OBSL1: variants seen among roughly 807,000 people sequenced by gnomAD.
The protein encoded by OBSL1 is obscurin-like protein 1.
OBSL1 carries 160 observed loss-of-function variants against 172.0 expected under a neutral mutation model. The ratio of observed to expected loss-of-function variants is 0.93; its 90% CI spans 0.82 to 1.06. The LOEUF (loss-of-function observed/expected upper bound fraction) is 1.06. Among genes scored for constraint, OBSL1 ranks in the 50% least tolerant of loss-of-function variants. OBSL1 has a pLI of 0.00. For missense variants in OBSL1, 2,681 were observed against 2,715.4 expected (o/e 0.99, Z 0.28); for synonymous variants, 1,200 against 1,196.3 (o/e 1.00, Z -0.06).
intron 6 of OBSL1, 73 bp downstream of exon 6, chr2:219,565,169 A>ACC: frequency 1.4e-6 from 2 of 1,479,258 alleles, no homozygotes; most frequent in Admixed American, 4.1e-5. Context: ...TAGGCAGCAG[A>ACC]CCAGAGGGCA....
At position 219,556,145 on chromosome 2, in the gene OBSL1, C is replaced by T. The variant is rs374911539; in HGVS notation, c.4484G>A (p.Arg1495His). The T allele has an allele frequency of 2.5e-4, 400 of 1,613,726 alleles. No individual in the cohort carries two copies. The highest frequency in any genetic ancestry group is 5.5e-4 in the Admixed American group (33 of 59,990). ...RGGQPLPHDS[R>H]LSMAQDGHIH... ...GTGCCCATCCTGGGCCATGGACAGG[C>T]GAGAGTCGTGGGGCAGGGGCTGCCC... The change falls in exon 14 of 21, where the codon CGC becomes CAC. Residue 1495 changes from arginine (R) to histidine (H), a missense_variant. Coordinates refer to ENST00000404537, the MANE Select transcript of OBSL1 (RefSeq NM_015311.3).
chr2:219,556,863 A>G, intron 12 of OBSL1, 140 bp from the exon 13 acceptor site: 1 of 935,878 alleles, frequency 1.1e-6, no homozygotes, highest in South Asian at 1.9e-5. Context: ...GACCACACCG[A>G]TGGCCCAAAG....
chr2:219,566,945 C>G lies in OBSL1; in HGVS notation c.2019G>C (p.Glu673Asp), dbSNP rs746233331. The G allele has an allele frequency of 3.1e-6, 5 of 1,613,724 alleles. No homozygotes were observed. The highest frequency in any genetic ancestry group is 4.2e-6 in the Non-Finnish European group (5 of 1,179,892). Residue 673 changes from glutamate (E) to aspartate (D), a missense_variant, in exon 5 of 21, where the codon GAG becomes GAC. Physicochemically the swap from Glu to Asp is conservative, Grantham distance 45. Around this residue, in one of 5 missense-constraint regions of OBSL1, gnomAD observed 1,765 missense variants for 1,748.3 expected, o/e 1.01. Transcript: ENST00000404537. ...TGAGTCTGTGCTGCAGACCCTTCTG[C>G]TCTATACGGTACCGCAGGGCCCCAG... Reference protein sequence around the residue: ...VEPGALRYRIEQKGLQHRLIL... With the variant: ...VEPGALRYRIDQKGLQHRLIL...
chr2:219,548,936 CA>C (rs56198734), downstream of OBSL1: 147,901 of 578,120 alleles, frequency 0.26, 21,168 homozygotes, highest in East Asian at 0.42. Context: ...GGAAGCCTAG[CA>C]ACCTTCCATA....
downstream of OBSL1, chr2:219,548,969 CA>C (rs934411241): frequency 4.1e-5 from 26 of 634,336 alleles, no homozygotes; most frequent in Non-Finnish European, 6.3e-5. Context: ...AAGAAAAGAA[CA>C]ACAGCGGGAA....
At position 219,570,192 on chromosome 2, in the gene OBSL1, C is replaced by T. The variant is rs1384902793; in HGVS notation, c.1012+29G>A. ...GAGGGCCTCGGAGGACACTCGAGGC[C>T]CCTCCCTAGGTCCCGGGCTCCGCCG... On this transcript the variant is annotated intron_variant, in intron 1 of 20. Coordinates refer to ENST00000404537, the MANE Select transcript of OBSL1 (RefSeq NM_015311.3). 3 of 1,499,408 alleles carry T rather than the reference C, an allele frequency of 2.0e-6. No homozygotes were observed. The South Asian group carries it at 4.1e-5, about 20-fold the overall frequency. The allele number at this position is 1,499,408 out of a possible 1,614,324, so 92.9% of individuals were successfully genotyped here.
intron 1 of OBSL1, among the ~76,000 whole-genome samples, chr2:219,569,839 C>T (rs1242723006): frequency 6.6e-6 from 1 of 152,142 alleles, no homozygotes; most frequent in Non-Finnish European, 1.5e-5. Context: ...ATAAACTACT[C>T]CTTTATCTGT....
chr2:219,551,397 C>T lies in OBSL1; in HGVS notation c.5683+132G>A, dbSNP rs1695601583. 3 of 1,361,538 alleles carry T rather than the reference C, an allele frequency of 2.2e-6. No homozygotes were observed. In the Admixed American group the frequency reaches 8.0e-5, roughly 36 times the overall value. The allele number at this position is 1,361,538 out of a possible 1,614,324, so 84.3% of individuals were successfully genotyped here. A position where few individuals can be genotyped will look rare whatever the true frequency, so the allele number is the denominator to read the frequency against. ...GGTGTGCTCTACCCCTCCCCTCCCCCATCCCCACCTCCTACGTATCCCAGG... is the reference window on the plus strand; with the variant it reads ...GGTGTGCTCTACCCCTCCCCTCCCCTATCCCCACCTCCTACGTATCCCAGG... On this transcript the variant is annotated intron_variant, in intron 20 of 20. Coordinates refer to ENST00000404537, the MANE Select transcript of OBSL1 (RefSeq NM_015311.3).
In OBSL1 at chr2:219,551,258, T is replaced by C. The variant is rs1695590275; in HGVS notation, c.5683+271A>G. Reference sequence around the variant, plus strand: ...CAGGGCTGTTCAAGAGAGACAAACATGGTCCAGTGGCAGGAGAGAGGAGAA... The same window carrying C: ...CAGGGCTGTTCAAGAGAGACAAACACGGTCCAGTGGCAGGAGAGAGGAGAA... On this transcript the variant is annotated intron_variant, in intron 20 of 20. Transcript: ENST00000404537. The C allele has an allele frequency of 1.4e-5, 19 of 1,395,448 alleles. No homozygotes were observed. The South Asian group carries it at 3.2e-4, about 24-fold the overall frequency. 86.4% of individuals were successfully genotyped at this position (1,395,448 alleles called of 1,614,324 possible). A position where few individuals can be genotyped will look rare whatever the true frequency, so the allele number is the denominator to read the frequency against.
At position 219,565,640 on chromosome 2, in the gene OBSL1, C is replaced by T; in HGVS notation, c.2135-126G>A. On this transcript the variant is annotated intron_variant, in intron 5 of 20. Transcript: ENST00000404537. ...AATAGGCTTAGGCTTCCACACCAAC[C>T]CTTAAGAGCAGTGCTTTGGCTGTGC... The T allele has an allele frequency of 2.3e-6, 2 of 861,248 alleles. 1 individual carries two copies. Among genetic ancestry groups the T allele is most frequent in the South Asian group, 3.5e-5 (2 of 57,820 alleles). The allele number at this position is 861,248 out of a possible 1,614,324, so 53.4% of individuals were successfully genotyped here. A position where few individuals can be genotyped will look rare whatever the true frequency, so the allele number is the denominator to read the frequency against.
intron 19 of OBSL1, 47 bp downstream of exon 19, chr2:219,552,065 G>A (rs1182007304): frequency 3.3e-6 from 5 of 1,509,934 alleles, no homozygotes; most frequent in Non-Finnish European, 4.5e-6. Flanking sequence ...CCCATGGCAG[G>A]AGAGACAGGA....
Position 219,563,531 on chromosome 2 carries a change from TC to T in OBSL1, c.2503del (p.Asp835ThrfsTer84), listed in dbSNP as rs1467667859. ...GTCCTTGTACCAACGCACAGGGGCG[TC>T]CTCTCGGTCCACCTCACAGGCCAGC... is the stretch of plus-strand genomic sequence containing the variant. ...VMLACEVDRE[D>X]APVRWYKDGQ... On this transcript the variant is annotated frameshift_variant, in exon 7 of 21. Coordinates refer to ENST00000404537, the MANE Select transcript of OBSL1 (RefSeq NM_015311.3). LOFTEE classifies it high-confidence loss of function. 6.2e-7 allele frequency: 1 copy of T among 1,612,896 alleles called. No individual in the cohort carries two copies. Among genetic ancestry groups the T allele is most frequent in the South Asian group, 1.1e-5 (1 of 91,054 alleles).
chr2:219,553,799 G>A (rs1695806943), intron 15 of OBSL1, 113 bp from the exon 16 acceptor site: 2 of 666,490 alleles, frequency 3.0e-6, no homozygotes, highest in Middle Eastern at 3.1e-4. Flanking sequence ...ACTAGCGAGT[G>A]GGGTTCGAGC....
At chr2:219,549,390 G>A (rs1341749240), downstream of OBSL1, 5 of 1,589,302 alleles carry the variant, frequency 3.1e-6, no homozygotes, top group African/African-American at 4.1e-5. Flanking sequence ...AGAATGAGAA[G>A]GAAGTGTGGA....
At chr2:219,550,680 G>T (rs902273464), downstream of OBSL1, 18 of 1,009,464 alleles carry the variant, frequency 1.8e-5, no homozygotes, top group Admixed American at 2.2e-4. Context: ...CTGCACAGGG[G>T]CTCCAGGCAA....
chr2:219,557,518 C>T lies in OBSL1; in HGVS notation c.3891G>A (p.Gly1297=), dbSNP rs1266636610. The change falls in exon 12 of 21, where the codon GGG becomes GGA. Residue 1297 remains glycine (G), a synonymous_variant. Transcript: ENST00000404537. The stretch of plus-strand genomic sequence containing the variant: ...CGTCCTTGTACCAGCGTACAGGGCC[C>T]CCTGGCCCGGAGAGGTGCACCACCA... ...LELVVHLSGP[G]GPVRWYKDGE... is the part of the protein sequence containing the mutation. 6.4e-7 allele frequency: 1 copy of T among 1,553,350 alleles called. No individual in the cohort carries two copies. The highest frequency in any genetic ancestry group is 1.2e-5 in the South Asian group (1 of 84,242).
At chr2:219,557,663 G>T (rs1490066642) in intron 11 of OBSL1, 45 bp from the exon 12 acceptor site, 6 of 1,508,716 alleles carry the variant, frequency 4.0e-6, no homozygotes, top group South Asian at 2.6e-5. Flanking sequence ...GAGGCTCAGG[G>T]CTTTGAGGAG....
intron 14 of OBSL1, chr2:219,555,673 G>C: frequency 1.8e-6 from 2 of 1,104,608 alleles, no homozygotes; most frequent in Non-Finnish European, 2.2e-6. Context: ...TGGGAGGTGT[G>C]GGGTGCTGTT....
At chr2:219,557,791 ACT>A in intron 11 of OBSL1, 30 bp downstream of exon 11, 1 of 1,571,742 alleles carries the variant, frequency 6.4e-7, no homozygotes, top group Non-Finnish European at 8.6e-7. Context: ...GCTTGGTGCC[ACT>A]CTCAGGCTTA....
Sources: gnomAD v4.1 joint callset for allele counts (sites outside exome capture counted in the v4.1 genomes callset) on GRCh38, gnomAD v4.1.1 for gene constraint, gnomAD v4.1.1 regional missense constraint, MANE v1.5 for transcripts, NCBI Gene and HGNC (gene_info 2026-07-23, HGNC 2026-07-21) for gene names.